The following MCC variants were observed in gnomAD, a reference collection of about 807,000 sequenced individuals.
MCC encodes the protein MCC regulator of Wnt signaling pathway, also known as colorectal mutant cancer protein.
Under a neutral mutation model 116.2 loss-of-function variants are expected in MCC, and 90 were observed. That is an observed-to-expected ratio of 0.77 (90% CI 0.65 to 0.92). MCC has a LOEUF of 0.92. MCC is among the 40% of genes least tolerant of loss of function. The pLI, the probability that MCC is intolerant of heterozygous loss-of-function variation, is 0.00. For synonymous variants in MCC, 578 were observed against 510.5 expected (o/e 1.13, Z -1.78); for missense variants, 1,516 against 1,312.2 (o/e 1.16, Z -2.40).
Position 113,464,645 on chromosome 5 carries a change from A to G in MCC, c.170+23600T>C, listed in dbSNP as rs142821325. On this transcript the variant is annotated intron_variant, in intron 1 of 18. Transcript: ENST00000408903. ...ATTTATCTCACCTCCTGTCCCATGT[A>G]AGTTTCTTAAGGTTGGCTATTTTGT... is the stretch of plus-strand genomic sequence containing the variant. 5.4e-3 allele frequency among the ~76,000 whole-genome samples: 821 copies of G among 152,220 alleles called. 7 individuals are homozygous for G. Among genetic ancestry groups the G allele is most frequent in the Admixed American group, 0.012 (183 of 15,272 alleles).
At chr5:113,413,766 T>G (rs543949104) in intron 1 of MCC, among the ~76,000 whole-genome samples, 1 of 152,332 alleles carries the variant, frequency 6.6e-6, no homozygotes, top group Non-Finnish European at 1.5e-5. Context: ...TGTGTCTCTA[T>G]CTCCTTCAGT....
chr5:113,134,712 G>A (rs1758700291), intron 5 of MCC, among the ~76,000 whole-genome samples: 1 of 151,386 alleles, frequency 6.6e-6, no homozygotes, highest in South Asian at 2.1e-4. Context: ...ATTTGTGCTG[G>A]AGCCTGAAAT....
intron 1 of MCC, among the ~76,000 whole-genome samples, chr5:113,470,816 C>G (rs915282158): frequency 1.1e-4 from 16 of 151,846 alleles, no homozygotes; most frequent in African/African-American, 2.4e-5. Flanking sequence ...TTCAGGTATA[C>G]CAATCAGATG....
chr5:113,178,288 T>C (rs17135394), intron 3 of MCC, among the ~76,000 whole-genome samples: 8,697 of 152,248 alleles, frequency 0.057, 293 homozygotes, highest in Non-Finnish European at 0.062. Flanking sequence ...ACCATCTCAG[T>C]AGCTCTGAGC....
At chr5:113,032,131 C>G (rs1054261054) in intron 17 of MCC, among the ~76,000 whole-genome samples, 1 of 152,322 alleles carries the variant, frequency 6.6e-6, no homozygotes, top group Non-Finnish European at 1.5e-5. Flanking sequence ...ATTACAGGGG[C>G]CGGGCGCTGT....
intron 3 of MCC, among the ~76,000 whole-genome samples, chr5:113,302,427 G>A (rs1766885747): frequency 6.6e-6 from 1 of 152,130 alleles, no homozygotes; most frequent in Admixed American, 6.5e-5. Flanking sequence ...ACTTTGTTGA[G>A]ATCCTGATTC....
chr5:113,374,114 A>C (rs1275223078), intron 2 of MCC, among the ~76,000 whole-genome samples: 1 of 152,064 alleles, frequency 6.6e-6, no homozygotes, highest in Non-Finnish European at 1.5e-5. Flanking sequence ...GCTGGTCTTG[A>C]ACCCCTGAGC....
At chr5:113,150,629 A>G (rs1035420283) in intron 4 of MCC, among the ~76,000 whole-genome samples, 1 of 152,134 alleles carries the variant, frequency 6.6e-6, no homozygotes, top group African/African-American at 2.4e-5. Context: ...CCCAAGAGAA[A>G]AGGAAAAGAA....
chr5:113,156,761 T>C (rs1760194097), intron 3 of MCC, among the ~76,000 whole-genome samples: 1 of 152,236 alleles, frequency 6.6e-6, no homozygotes, highest in African/African-American at 2.4e-5. Context: ...CTAGGCTGTT[T>C]TGAGCCCTGC....
chr5:113,485,047 C>T (rs533323547), intron 1 of MCC, among the ~76,000 whole-genome samples: 1 of 152,098 alleles, frequency 6.6e-6, no homozygotes, highest in Admixed American at 6.6e-5. Flanking sequence ...TTCTGGGTCC[C>T]TTTTATAGGC....
At chr5:113,079,965 AAAC>A (rs1228106994) in intron 11 of MCC, among the ~76,000 whole-genome samples, 1 of 152,226 alleles carries the variant, frequency 6.6e-6, no homozygotes, top group African/African-American at 2.4e-5. Context: ...AGACAAAATC[AAAC>A]AACCCCATCA....
Position 113,049,396 on chromosome 5 carries a change from C to T in MCC, c.2449-97G>A. The T allele has an allele frequency of 5.2e-6, 5 of 957,416 alleles. No individual in the cohort carries two copies. In the East Asian group the frequency reaches 7.9e-5, roughly 15 times the overall value. The allele number at this position is 957,416 out of a possible 1,614,324, so 59.3% of individuals were successfully genotyped here. A position where few individuals can be genotyped will look rare whatever the true frequency, so the allele number is the denominator to read the frequency against. ...GTGGGTGGGGGGTCCCCGGCTATGA[C>T]CCACAGGCCCATGGTAGAGTTCTCA... is the stretch of plus-strand genomic sequence containing the variant. On this transcript the variant is annotated intron_variant, in intron 15 of 18. Coordinates refer to ENST00000408903, the MANE Select transcript of MCC (RefSeq NM_001085377.2).
chr5:113,382,308 T>C (rs1769144870), intron 2 of MCC, among the ~76,000 whole-genome samples: 1 of 150,138 alleles, frequency 6.7e-6, no homozygotes, highest in Non-Finnish European at 1.5e-5. Flanking sequence ...TCTTACTCTA[T>C]CACCCCGGCT....
chr5:113,314,840 G>A (rs1292569786), intron 3 of MCC, among the ~76,000 whole-genome samples: 3 of 151,936 alleles, frequency 2.0e-5, no homozygotes, highest in African/African-American at 4.8e-5. Flanking sequence ...CACCTGCCTC[G>A]ACCTCCCAAA....
chr5:113,427,516 G>T (rs1347885798), intron 1 of MCC, among the ~76,000 whole-genome samples: 1 of 152,182 alleles, frequency 6.6e-6, no homozygotes, highest in Non-Finnish European at 1.5e-5. Context: ...ATCTAAATGT[G>T]CTAGCTTTGA....
chr5:113,168,864 T>A (rs750139168), intron 3 of MCC, among the ~76,000 whole-genome samples: 1 of 152,090 alleles, frequency 6.6e-6, no homozygotes. Flanking sequence ...GCACAAAGAC[T>A]CTAAATTCAG....
intron 3 of MCC, among the ~76,000 whole-genome samples, chr5:113,264,122 T>C (rs1442771083): frequency 6.6e-6 from 1 of 152,218 alleles, no homozygotes. Context: ...TGTAAGACTT[T>C]GTGAGGTAAA....
At chr5:113,115,588 C>T (rs1334617280) in intron 6 of MCC, among the ~76,000 whole-genome samples, 2 of 152,014 alleles carry the variant, frequency 1.3e-5, no homozygotes, top group African/African-American at 4.8e-5. Context: ...ACCTTGGTGC[C>T]CATCTAGGAT....
intron 3 of MCC, among the ~76,000 whole-genome samples, chr5:113,270,500 C>T (rs1435116115): frequency 1.3e-5 from 2 of 150,962 alleles, no homozygotes; most frequent in Admixed American, 1.3e-4. Context: ...CAGCCTAGTC[C>T]CCAAGGGCTA....
Sources: gnomAD v4.1 joint callset for allele counts (sites outside exome capture counted in the v4.1 genomes callset) on GRCh38, gnomAD v4.1.1 for gene constraint, MANE v1.5 for transcripts, NCBI Gene and HGNC (gene_info 2026-07-23, HGNC 2026-07-21) for gene names.